The following RALGAPA2 variants were observed in gnomAD, a reference collection of about 807,000 sequenced individuals.
RALGAPA2 encodes the protein Ral GTPase activating protein catalytic subunit alpha 2, also known as ral GTPase-activating protein subunit alpha-2.
Under a neutral mutation model 230.4 loss-of-function variants are expected in RALGAPA2, and 139 were observed. The observed-to-expected ratio is 0.60, with a 90% CI of 0.53 to 0.69. The LOEUF is 0.69. Ranked by LOEUF, RALGAPA2 falls within the 30% of genes least tolerant of loss-of-function variation. The probability of loss-of-function intolerance (pLI) is 0.00; values close to 1 mark genes in which losing one functional copy is unlikely to be tolerated. For missense variants in RALGAPA2, 2,163 were observed against 2,276.0 expected, an observed-to-expected ratio of 0.95 and a Z score of 1.01; for synonymous variants, 847 against 837.8, an observed-to-expected ratio of 1.01 and a Z score of -0.19.
intron 1 of RALGAPA2, among the ~76,000 whole-genome samples, chr20:20,702,714 A>C (rs1279895185): frequency 6.6e-6 from 1 of 152,212 alleles, no homozygotes; most frequent in East Asian, 1.9e-4. Flanking sequence ...TGGCTCTCAT[A>C]GTCAGGCACA....
rs1444232103 is a variant in RALGAPA2 at position 20,637,405 on chromosome 20, G to A, written c.763C>T (p.Pro255Ser). 3 of 1,592,598 alleles carry A rather than the reference G, an allele frequency of 1.9e-6. No homozygotes were observed. Among genetic ancestry groups the A allele is most frequent in the Non-Finnish European group, 2.6e-6 (3 of 1,166,848 alleles). Residue 255 changes from proline to serine, a missense_variant, in exon 8 of 40, where the codon CCA (proline) becomes TCA (serine). Coordinates refer to ENST00000202677, the MANE Select transcript of RALGAPA2 (RefSeq NM_020343.4). The part of the protein sequence containing the change: ...FRKYYLPHLF[P>S]SFTKLTNIYK... ...ATGTTTGTTAACTTAGTAAATGATG[G>A]AAATAAATGAGGAAGATAATACTTT...
Position 20,656,708 on chromosome 20 carries a change from C to T in RALGAPA2, c.271-3121G>A, listed in dbSNP as rs370608472. 2.0e-4 allele frequency among the ~76,000 whole-genome samples: 30 copies of T among 152,302 alleles called. No individual in the cohort carries two copies. The East Asian group carries it at 4.8e-3, about 24-fold the overall frequency. On this transcript the variant is annotated intron_variant, in intron 3 of 39. Coordinates refer to ENST00000202677, the MANE Select transcript of RALGAPA2 (RefSeq NM_020343.4). ...TACAGAATATCTTAATAAGAACCCA[C>T]GTGAGCATTGTCTTACCAACAGAAC... is the stretch of plus-strand genomic sequence containing the variant.
intron 15 of RALGAPA2, among the ~76,000 whole-genome samples, chr20:20,604,096 G>A (rs1430223225): frequency 2.0e-5 from 3 of 152,164 alleles, no homozygotes; most frequent in Admixed American, 6.5e-5. Context: ...GCAAGCCCAC[G>A]AGGCTCTATG....
chr20:20,407,957 C>T (rs1249424804), intron 38 of RALGAPA2, among the ~76,000 whole-genome samples: 3 of 152,152 alleles, frequency 2.0e-5, no homozygotes, highest in Non-Finnish European at 4.4e-5. Context: ...GAATTTTCTC[C>T]CACTTGTTCT....
At chr20:20,458,690 C>CTATA (rs1379522205) in intron 37 of RALGAPA2, among the ~76,000 whole-genome samples, 1 of 119,622 alleles carries the variant, frequency 8.4e-6, no homozygotes, top group Non-Finnish European at 1.7e-5. Context: ...ATATATAGAC[C>CTATA]TATATATATA....
At chr20:20,571,752 T>C in intron 22 of RALGAPA2, 96 bp downstream of exon 22, 10 of 1,462,696 alleles carry the variant, frequency 6.8e-6, no homozygotes, top group Non-Finnish European at 9.4e-6. Flanking sequence ...CCAGCCTGTC[T>C]TCAAAACATG....
chr20:20,396,582 G>A, intron 39 of RALGAPA2, 113 bp downstream of exon 39: 3 of 975,662 alleles, frequency 3.1e-6, no homozygotes, highest in Admixed American at 2.8e-5. Flanking sequence ...GAAGGCCCAG[G>A]AGGGCGAGGA....
At chr20:20,701,061 T>C (rs1714633501) in intron 1 of RALGAPA2, among the ~76,000 whole-genome samples, 1 of 152,240 alleles carries the variant, frequency 6.6e-6, no homozygotes, top group Non-Finnish European at 1.5e-5. Flanking sequence ...CCTAGTGCTA[T>C]GCACAATGTC....
At chr20:20,406,691 C>T (rs960205549) in intron 38 of RALGAPA2, among the ~76,000 whole-genome samples, 5 of 152,180 alleles carry the variant, frequency 3.3e-5, no homozygotes, top group Non-Finnish European at 7.3e-5. Context: ...GTGGGCAGAT[C>T]GCTTGAACCC....
At chr20:20,607,602 T>C (rs1457846463) in intron 14 of RALGAPA2, among the ~76,000 whole-genome samples, 1 of 152,188 alleles carries the variant, frequency 6.6e-6, no homozygotes, top group Non-Finnish European at 1.5e-5. Context: ...TAATAAATAT[T>C]AGATCAATAA....
At chr20:20,519,159 TA>T (rs1263993541) in intron 31 of RALGAPA2, among the ~76,000 whole-genome samples, 2 of 152,214 alleles carry the variant, frequency 1.3e-5, no homozygotes, top group Admixed American at 6.5e-5. Context: ...ACTTGGTCAT[TA>T]AATCTTAGGT....
At chr20:20,454,665 C>T (rs895632386) in intron 37 of RALGAPA2, among the ~76,000 whole-genome samples, 1 of 152,158 alleles carries the variant, frequency 6.6e-6, no homozygotes, top group African/African-American at 2.4e-5. Context: ...AAGCTAATCC[C>T]TAGGGGAAGC....
chr20:20,511,203 G>C, intron 33 of RALGAPA2, 51 bp downstream of exon 33: 1 of 1,542,534 alleles, frequency 6.5e-7, no homozygotes, highest in Non-Finnish European at 8.7e-7. Flanking sequence ...TGTTATCCAA[G>C]AATACCCAAA....
intron 9 of RALGAPA2, among the ~76,000 whole-genome samples, chr20:20,633,156 T>C (rs1603138082): frequency 6.6e-6 from 1 of 151,584 alleles, no homozygotes; most frequent in Non-Finnish European, 1.5e-5. Flanking sequence ...TTTTTTGAAA[T>C]GGGAGTCTCA....
rs1036542967 is a variant in RALGAPA2, at chr20:20,535,844, T to C, written c.3415-41A>G. On this transcript the variant is annotated intron_variant, in intron 25 of 39. Transcript: ENST00000202677. Reference sequence around the variant, plus strand: ...TAAGTAAAATAAAAACTTTGTGTCATAGTTGGTTTCCCACATGTTCTGACC... The same window carrying C: ...TAAGTAAAATAAAAACTTTGTGTCACAGTTGGTTTCCCACATGTTCTGACC... 12 of 1,532,116 alleles carry C rather than the reference T, an allele frequency of 7.8e-6. No individual in the cohort carries two copies. The African/African-American group carries it at 1.4e-4, about 18-fold the overall frequency. 94.9% of individuals were successfully genotyped at this position (1,532,116 alleles called of 1,614,324 possible).
chr20:20,512,313 A>G (rs1462550415), intron 32 of RALGAPA2, among the ~76,000 whole-genome samples, 200 bp downstream of exon 32: 2 of 152,072 alleles, frequency 1.3e-5, no homozygotes, highest in African/African-American at 2.4e-5. Flanking sequence ...TTGGAATTCA[A>G]TCTGCACACC....
At chr20:20,658,733 T>C (rs971241674) in intron 3 of RALGAPA2, among the ~76,000 whole-genome samples, 1 of 152,240 alleles carries the variant, frequency 6.6e-6, no homozygotes, top group Admixed American at 6.5e-5. Context: ...ACCTACTGCA[T>C]GACCAGGAAT....
At chr20:20,408,482 A>G (rs2059991176) in intron 38 of RALGAPA2, among the ~76,000 whole-genome samples, 1 of 152,250 alleles carries the variant, frequency 6.6e-6, no homozygotes, top group African/African-American at 2.4e-5. Flanking sequence ...TCTAAAAAGC[A>G]AAGATTTACA....
chr20:20,662,431 A>G (rs1363886689), intron 3 of RALGAPA2, among the ~76,000 whole-genome samples: 1 of 152,228 alleles, frequency 6.6e-6, no homozygotes, highest in Non-Finnish European at 1.5e-5. Flanking sequence ...CTGAAATAAG[A>G]GACAAATCCA....
Sources: allele counts gnomAD v4.1 joint callset (sites outside exome capture counted in the v4.1 genomes callset), GRCh38; gene constraint gnomAD v4.1.1; transcripts MANE v1.5; gene names NCBI Gene and HGNC (gene_info 2026-07-23, HGNC 2026-07-21).